NOL10: variants seen among roughly 807,000 people sequenced by gnomAD.
NOL10 encodes nucleolar protein 10.
NOL10 carries 58 observed loss-of-function variants against 103.5 expected under a neutral mutation model. The ratio of observed to expected loss-of-function variants is 0.56; its 90% CI spans 0.45 to 0.70. The LOEUF (loss-of-function observed/expected upper bound fraction) is 0.70, where lower values mean the gene tolerates loss of function less well. Ranked by LOEUF, NOL10 falls within the 30% of genes least tolerant of loss-of-function variation. The pLI is 0.00. For missense variants in NOL10, 763 were observed against 807.3 expected, an observed-to-expected ratio of 0.95 and a Z score of 0.67; for synonymous variants, 287 against 282.5, an observed-to-expected ratio of 1.02 and a Z score of -0.16.
At position 10,570,811 on chromosome 2, in the gene NOL10, G is replaced by A. The variant is rs539338754; in HGVS notation, c.*1260C>T. ...TTTTTATAAATGTTTCCTCCAGTAA[G>A]TTTATGTTTGACTGTACTTAAGAAA... On this transcript the variant is annotated 3_prime_UTR_variant, in exon 21 of 21. Coordinates refer to ENST00000381685, the MANE Select transcript of NOL10 (RefSeq NM_024894.4). 1 of 150,414 alleles carries A rather than the reference G, an allele frequency of 6.6e-6. No individual in the cohort carries two copies. The highest frequency in any genetic ancestry group is 1.5e-5 in the Non-Finnish European group (1 of 67,886). The allele number at this position is 150,414 out of a possible 1,614,324, so 9.3% of individuals were successfully genotyped here.
chr2:10,661,618 G>C (rs1398153491), intron 9 of NOL10, among the ~76,000 whole-genome samples: 2 of 152,106 alleles, frequency 1.3e-5, no homozygotes, highest in African/African-American at 2.4e-5. Context: ...TGATCCTCCA[G>C]CTTCGGCCTT....
Position 10,607,267 on chromosome 2 carries a change from C to A in NOL10, c.1071G>T (p.Leu357Phe). Residue 357 changes from leucine to phenylalanine, a missense_variant, in exon 14 of 21, where the codon TTG becomes TTT. Coordinates refer to ENST00000381685, the MANE Select transcript of NOL10 (RefSeq NM_024894.4). ...CTGGATTCTCTTCTAATTCTTCGGT[C>A]AAGTTGTCTAAGAAGGAACACCACC... ...APRWCSFLDN[L>F]TEELEENPES... The A allele has an allele frequency of 6.2e-7, 1 of 1,608,962 alleles. No individual in the cohort carries two copies. Among genetic ancestry groups the A allele is most frequent in the Non-Finnish European group, 8.5e-7 (1 of 1,177,518 alleles).
chr2:10,585,253 C>A (rs1674964019), intron 19 of NOL10, among the ~76,000 whole-genome samples: 1 of 152,198 alleles, frequency 6.6e-6, no homozygotes, highest in African/African-American at 2.4e-5. Context: ...ACTTACTCCA[C>A]AGAACCAGAA....
chr2:10,612,031 G>C (rs948199724), intron 13 of NOL10, among the ~76,000 whole-genome samples: 1 of 152,158 alleles, frequency 6.6e-6, no homozygotes, highest in African/African-American at 2.4e-5. Flanking sequence ...GGTGAGATAG[G>C]AGGATCCCTT....
In NOL10 at chr2:10,685,129, T is replaced by C. The variant is rs921367216; in HGVS notation, c.67-517A>G. ...AAATATATGGAACAATTTAATCTAT[T>C]TAAGTGAGAATTTAAAAAGTAAAAC... On this transcript the variant is annotated intron_variant, in intron 1 of 20. Transcript: ENST00000381685. 2.0e-5 allele frequency among the ~76,000 whole-genome samples: 3 copies of C among 152,306 alleles called. No individual in the cohort carries two copies. The East Asian group carries it at 5.8e-4, about 29-fold the overall frequency.
intron 2 of NOL10, among the ~76,000 whole-genome samples, chr2:10,683,464 C>A (rs536376115): frequency 6.6e-6 from 1 of 152,106 alleles, no homozygotes; most frequent in African/African-American, 2.4e-5. Flanking sequence ...TTAATTTACA[C>A]GATAAGATTT....
At position 10,607,352 on chromosome 2, in the gene NOL10, C is replaced by T. The variant is rs755507281; in HGVS notation, c.1027-41G>A. The T allele has an allele frequency of 3.2e-6, 5 of 1,556,858 alleles. No individual in the cohort carries two copies. The South Asian group carries it at 4.9e-5, about 15-fold the overall frequency. On this transcript the variant is annotated intron_variant, in intron 13 of 20. Coordinates refer to ENST00000381685, the MANE Select transcript of NOL10 (RefSeq NM_024894.4). Reference sequence around the variant, plus strand: ...AGAAGGTCAGCAAAGGCACAGTTTACCACGCCATCCAAGTCTCAGTTATTT... The same window carrying T: ...AGAAGGTCAGCAAAGGCACAGTTTATCACGCCATCCAAGTCTCAGTTATTT...
intron 13 of NOL10, among the ~76,000 whole-genome samples, chr2:10,624,178 CTTTTT>C (rs764280554): frequency 7.1e-6 from 1 of 140,120 alleles, no homozygotes; most frequent in Non-Finnish European, 1.6e-5. Context: ...TTTTTCTTTT[CTTTTT>C]TTTTTTTTTA....
At chr2:10,630,111 T>C (rs533312826) in intron 13 of NOL10, among the ~76,000 whole-genome samples, 1 of 152,322 alleles carries the variant, frequency 6.6e-6, no homozygotes, top group South Asian at 2.1e-4. Context: ...TTTATCCAAA[T>C]ACTCTTTGCC....
intron 13 of NOL10, among the ~76,000 whole-genome samples, chr2:10,633,518 G>C (rs893501622): frequency 6.6e-6 from 1 of 151,642 alleles, no homozygotes. Flanking sequence ...CTGGGGATTT[G>C]GTTTAACAGC....
At chr2:10,637,941 A>AT (rs2148264078) in intron 13 of NOL10, among the ~76,000 whole-genome samples, 1 of 152,186 alleles carries the variant, frequency 6.6e-6, no homozygotes, top group South Asian at 2.1e-4. Flanking sequence ...AACAGTCAAA[A>AT]TATTTTAATA....
chr2:10,575,885 TC>T (rs1452398206), intron 20 of NOL10, among the ~76,000 whole-genome samples: 1 of 152,134 alleles, frequency 6.6e-6, no homozygotes, highest in Non-Finnish European at 1.5e-5. Context: ...CACAATGAGG[TC>T]CCTCTGAATG....
intron 4 of NOL10, among the ~76,000 whole-genome samples, chr2:10,674,561 T>G (rs996322170): frequency 7.2e-5 from 11 of 152,150 alleles, no homozygotes; most frequent in Admixed American, 1.3e-4. Context: ...GAGTTTCAGC[T>G]GGGCGCAGTG....
chr2:10,679,460 A>G (rs2148358127), intron 3 of NOL10, among the ~76,000 whole-genome samples: 1 of 152,338 alleles, frequency 6.6e-6, no homozygotes, highest in Admixed American at 6.5e-5. Context: ...TGAGCCCATA[A>G]GTTCAAGGTT....
At chr2:10,593,109 T>C (rs781203582) in intron 17 of NOL10, among the ~76,000 whole-genome samples, 2 of 151,954 alleles carry the variant, frequency 1.3e-5, no homozygotes, top group South Asian at 2.1e-4. Flanking sequence ...TGAAGAATGA[T>C]TGCCATTTGA....
At chr2:10,651,134 T>G (rs1350186567) in intron 12 of NOL10, among the ~76,000 whole-genome samples, 1 of 152,186 alleles carries the variant, frequency 6.6e-6, no homozygotes, top group Non-Finnish European at 1.5e-5. Flanking sequence ...CCTCCAGCCC[T>G]GCCTCCTGGA....
chr2:10,592,101 A>G (rs1263120187), intron 17 of NOL10, among the ~76,000 whole-genome samples: 2 of 152,214 alleles, frequency 1.3e-5, no homozygotes, highest in Admixed American at 6.5e-5. Context: ...AGTTAGCATC[A>G]TGAGAAGACT....
chr2:10,636,346 C>T (rs937437361), intron 13 of NOL10, among the ~76,000 whole-genome samples: 1 of 137,434 alleles, frequency 7.3e-6, no homozygotes, highest in African/African-American at 2.7e-5. Flanking sequence ...GAGGCCGAGA[C>T]AGGAAGACTG....
intron 13 of NOL10, among the ~76,000 whole-genome samples, chr2:10,623,529 T>C (rs561950146): frequency 3.1e-4 from 47 of 152,354 alleles, no homozygotes; most frequent in African/African-American, 1.1e-3. Flanking sequence ...AAGTTCCTTA[T>C]CACCTGTACT....
Sources: gnomAD v4.1 joint callset for allele counts (sites outside exome capture counted in the v4.1 genomes callset) on GRCh38, gnomAD v4.1.1 for gene constraint, MANE v1.5 for transcripts, NCBI Gene and HGNC (gene_info 2026-07-23, HGNC 2026-07-21) for gene names.